Variants in LRIG1 observed in about 807,000 individuals in gnomAD.
The protein encoded by LRIG1 is leucine-rich repeats and immunoglobulin-like domains protein 1.
LRIG1 carries 48 observed loss-of-function variants against 99.2 expected under a neutral mutation model. The observed-to-expected ratio is 0.48, with a 90% CI of 0.38 to 0.62. The LOEUF (loss-of-function observed/expected upper bound fraction) is 0.62, where lower values mean the gene tolerates loss of function less well. Among genes scored for constraint, LRIG1 ranks in the 20% least tolerant of loss-of-function variants. The pLI, the probability that LRIG1 is intolerant of heterozygous loss-of-function variation, is 0.00. For synonymous variants in LRIG1, 772 were observed against 596.1 expected, an observed-to-expected ratio of 1.29 and a Z score of -4.30; for missense variants, 1,646 against 1,434.4, an observed-to-expected ratio of 1.15 and a Z score of -2.38.
intron 9 of LRIG1, among the ~76,000 whole-genome samples, chr3:66,399,396 T>C (rs1210192741): frequency 6.6e-6 from 1 of 152,158 alleles, no homozygotes; most frequent in Non-Finnish European, 1.5e-5. Flanking sequence ...TGGTGAAGTT[T>C]AGTGATGGAG....
At chr3:66,474,268 TTTTA>T (rs1038076547) in intron 1 of LRIG1, among the ~76,000 whole-genome samples, 6 of 152,036 alleles carry the variant, frequency 3.9e-5, no homozygotes, top group Admixed American at 3.3e-4. Context: ...CACAACACAC[TTTTA>T]TTTCTTTTTT....
chr3:66,428,047 T>C lies in LRIG1; in HGVS notation c.366-10781A>G, dbSNP rs142112500. On this transcript the variant is annotated intron_variant, in intron 3 of 18. Transcript: ENST00000273261. ...TTTTTCTTTCTATTGTTGACGGACA[T>C]TGAGTTATTTCCAATTCAGGCTATT... 7.0e-4 allele frequency among the ~76,000 whole-genome samples: 106 copies of C among 152,330 alleles called. 1 individual carries two copies. In the East Asian group the frequency reaches 0.018, roughly 26 times the overall value.
chr3:66,379,951 T>A lies in LRIG1; in HGVS notation c.*312A>T. 5.3e-6 allele frequency: 1 copy of A among 188,708 alleles called. No individual in the cohort carries two copies. Among genetic ancestry groups the A allele is most frequent in the South Asian group, 1.6e-4 (1 of 6,154 alleles). 11.7% of individuals were successfully genotyped at this position (188,708 alleles called of 1,614,324 possible). On this transcript the variant is annotated 3_prime_UTR_variant, in exon 19 of 19. Coordinates refer to ENST00000273261, the MANE Select transcript of LRIG1 (RefSeq NM_015541.3). ...AACAGCAACCTGATACGAAAAATAA[T>A]ATTGTCAAAATTGTATAATTTTTTT... is the stretch of plus-strand genomic sequence containing the variant.
At chr3:66,474,763 G>A (rs992687801) in intron 1 of LRIG1, among the ~76,000 whole-genome samples, 1 of 152,120 alleles carries the variant, frequency 6.6e-6, no homozygotes, top group Non-Finnish European at 1.5e-5. Context: ...TGTCTTACAG[G>A]GTGGACCCTA....
Position 66,389,151 on chromosome 3 carries a change from T to C in LRIG1, c.1469-2850A>G, listed in dbSNP as rs966487608. On this transcript the variant is annotated intron_variant, in intron 12 of 18. Transcript: ENST00000273261. Reference sequence around the variant, plus strand: ...TGCATATTACTGAAGTTAATTTCATTATTTATTTGAACTAGATTGTTGTAA... The same window carrying C: ...TGCATATTACTGAAGTTAATTTCATCATTTATTTGAACTAGATTGTTGTAA... 2.6e-5 allele frequency among the ~76,000 whole-genome samples: 4 copies of C among 152,214 alleles called. No homozygotes were observed. In the South Asian group the frequency reaches 8.3e-4, roughly 32 times the overall value.
chr3:66,412,047 A>C (rs930856592), intron 6 of LRIG1, among the ~76,000 whole-genome samples: 1 of 152,206 alleles, frequency 6.6e-6, no homozygotes, highest in African/African-American at 2.4e-5. Context: ...TTAACGTTTA[A>C]AAAGGCTTTC....
intron 3 of LRIG1, among the ~76,000 whole-genome samples, chr3:66,425,469 G>C (rs1008673800): frequency 2.0e-5 from 3 of 152,206 alleles, no homozygotes; most frequent in Non-Finnish European, 4.4e-5. Context: ...GGAAAGAAAA[G>C]GGCAGTTTCT....
At chr3:66,475,267 A>G (rs775820588) in intron 1 of LRIG1, among the ~76,000 whole-genome samples, 2 of 152,192 alleles carry the variant, frequency 1.3e-5, no homozygotes, top group Non-Finnish European at 2.9e-5. Flanking sequence ...CTTCCCTCCA[A>G]TAAACATGCT....
At chr3:66,465,168 G>T (rs1356765497) in intron 1 of LRIG1, among the ~76,000 whole-genome samples, 1 of 152,106 alleles carries the variant, frequency 6.6e-6, no homozygotes, top group Non-Finnish European at 1.5e-5. Context: ...GTGGACAAGG[G>T]GCTGTTCTGG....
rs766432343 is a variant in LRIG1 at position 66,380,467 on chromosome 3, T to C, written c.3078A>G (p.Ala1026=). The C allele has an allele frequency of 5.6e-6, 9 of 1,614,154 alleles. No individual in the cohort carries two copies. Among genetic ancestry groups the C allele is most frequent in the Non-Finnish European group, 6.8e-6 (8 of 1,180,032 alleles). The change falls in exon 19 of 19, where the codon GCA becomes GCG. Residue 1026 remains alanine, a synonymous_variant. Coordinates refer to ENST00000273261, the MANE Select transcript of LRIG1 (RefSeq NM_015541.3). ...DGKGDSSWTL[A]RLYHPDSTEL... ...CTGTGGAGTCCGGGTGATACAACCTTGCTAAAGTCCAGGAAGAATCCCCTA... is the reference window on the plus strand; with the variant it reads ...CTGTGGAGTCCGGGTGATACAACCTCGCTAAAGTCCAGGAAGAATCCCCTA...
Position 66,381,602 on chromosome 3 carries a change from GA to G in LRIG1, c.2646del (p.Pro883GlnfsTer122). ...NGVCPRDASH[F>X]PEPDTHSVAC... Reference sequence around the variant, plus strand: ...GCAACGCTGTGAGTGTCGGGCTCTGGAAAGTGGCTTGCATCTCTTGGACACA... The same window carrying G: ...GCAACGCTGTGAGTGTCGGGCTCTGGAAGTGGCTTGCATCTCTTGGACACA... On this transcript the variant is annotated frameshift_variant, in exon 17 of 19. Transcript: ENST00000273261. LOFTEE classifies it high-confidence loss of function. 6.2e-7 allele frequency: 1 copy of G among 1,614,038 alleles called. No individual in the cohort carries two copies. Among genetic ancestry groups the G allele is most frequent in the Non-Finnish European group, 8.5e-7 (1 of 1,179,898 alleles).
intron 3 of LRIG1, among the ~76,000 whole-genome samples, chr3:66,441,047 C>T (rs535608157): frequency 4.6e-4 from 70 of 152,308 alleles, no homozygotes; most frequent in Non-Finnish European, 6.6e-4. Flanking sequence ...TATTTACAAA[C>T]TAACGTCACA....
intron 1 of LRIG1, among the ~76,000 whole-genome samples, chr3:66,473,726 GA>G (rs1246804801): frequency 6.6e-6 from 1 of 152,196 alleles, no homozygotes; most frequent in Non-Finnish European, 1.5e-5. Flanking sequence ...GTATTACAGG[GA>G]GGCACGCGAC....
At chr3:66,479,669 T>C (rs1292731183) in intron 1 of LRIG1, among the ~76,000 whole-genome samples, 2 of 152,208 alleles carry the variant, frequency 1.3e-5, no homozygotes, top group Non-Finnish European at 2.9e-5. Context: ...GATATACACA[T>C]GGTCAATAAG....
intron 12 of LRIG1, among the ~76,000 whole-genome samples, chr3:66,393,373 C>G (rs763968612): frequency 6.6e-6 from 1 of 152,158 alleles, no homozygotes; most frequent in Non-Finnish European, 1.5e-5. Context: ...ATTTTTTGAC[C>G]ATGTCTTCCT....
At chr3:66,446,266 C>A (rs918642529) in intron 3 of LRIG1, among the ~76,000 whole-genome samples, 4 of 152,110 alleles carry the variant, frequency 2.6e-5, no homozygotes, top group Admixed American at 2.0e-4. Flanking sequence ...TCTTCACTCA[C>A]CCCCGGGGAA....
intron 2 of LRIG1, among the ~76,000 whole-genome samples, chr3:66,454,679 A>G (rs1401310002): frequency 6.6e-6 from 1 of 152,202 alleles, no homozygotes; most frequent in Non-Finnish European, 1.5e-5. Flanking sequence ...CCCTGGGGCT[A>G]GAGAAGGTGT....
intron 7 of LRIG1, 55 bp from the exon 8 acceptor site, chr3:66,407,546 C>G: frequency 1.3e-6 from 2 of 1,597,302 alleles, no homozygotes; most frequent in Middle Eastern, 1.8e-4. Flanking sequence ...CCCCCAACCC[C>G]ACCCCACCGG....
At chr3:66,452,522 G>T (rs1038063140) in intron 2 of LRIG1, among the ~76,000 whole-genome samples, 5 of 152,182 alleles carry the variant, frequency 3.3e-5, no homozygotes, top group Non-Finnish European at 7.3e-5. Context: ...TTTCTGCCAG[G>T]TGATGGGCTA....
Sources: allele counts gnomAD v4.1 joint callset (sites outside exome capture counted in the v4.1 genomes callset), GRCh38; gene constraint gnomAD v4.1.1; transcripts MANE v1.5; gene names NCBI Gene and HGNC (gene_info 2026-07-23, HGNC 2026-07-21).